SCAMP4: variants seen among roughly 807,000 people sequenced by gnomAD.
SCAMP4 encodes secretory carrier membrane protein 4.
Under a neutral mutation model 32.1 loss-of-function variants are expected in SCAMP4, and 19 were observed. The observed-to-expected ratio is 0.59, with a 90% confidence interval of 0.41 to 0.87. The LOEUF is 0.87. Ranked by LOEUF, SCAMP4 falls within the 40% of genes least tolerant of loss-of-function variation. The probability of loss-of-function intolerance (pLI) is 0.00; values close to 1 mark genes in which losing one functional copy is unlikely to be tolerated. For missense variants in SCAMP4, 302 were observed against 309.0 expected (o/e 0.98, Z 0.17); for synonymous variants, 152 against 132.7 (o/e 1.15, Z -1.00).
At position 1,920,518 on chromosome 19, in the gene SCAMP4, A is replaced by G. The variant is rs1406641857; in HGVS notation, c.395+1528A>G. On this transcript the variant is annotated intron_variant, in intron 5 of 6. Transcript: ENST00000316097. The stretch of plus-strand genomic sequence containing the variant: ...GTGCACCCCTCGGATGTGCCGCTGA[A>G]GCTGGTCTGTCACCTGCCACCCCAA... 11 of 850,702 alleles carry G rather than the reference A, an allele frequency of 1.3e-5. No homozygotes were observed. In the South Asian group the frequency reaches 3.8e-4, roughly 29 times the overall value. 52.7% of individuals were successfully genotyped at this position (850,702 alleles called of 1,614,324 possible).
intron 1 of SCAMP4, 190 bp downstream of exon 1, chr19:1,905,629 C>CCCGT (rs963075440): frequency 6.2e-6 from 1 of 160,440 alleles, no homozygotes; most frequent in African/African-American, 2.5e-5. Context: ...GGCGCGAATG[C>CCCGT]GCGTGCGCGC....
intron 3 of SCAMP4, 111 bp downstream of exon 3, chr19:1,917,933 G>T (rs914318167): frequency 6.9e-7 from 1 of 1,447,916 alleles, no homozygotes. Flanking sequence ...TACTGAAGCC[G>T]TCCTGGGCCT....
chr19:1,920,819 C>T, intron 5 of SCAMP4: 4 of 985,500 alleles, frequency 4.1e-6, no homozygotes, highest in Non-Finnish European at 4.8e-6. Flanking sequence ...AGGCCTGTGC[C>T]CGTGTTGGGT....
Position 1,913,368 on chromosome 19 carries a change from C to T in SCAMP4, c.-41-1611C>T, listed in dbSNP as rs144366888. ...CGTGCCAGCGGTGCCCTTCTGCGGCCGCCCTTGCTGCGTTTGTGTCCCCTC... is the reference window on the plus strand; with the variant it reads ...CGTGCCAGCGGTGCCCTTCTGCGGCTGCCCTTGCTGCGTTTGTGTCCCCTC... On this transcript the variant is annotated intron_variant, in intron 1 of 6. Coordinates refer to ENST00000316097, the MANE Select transcript of SCAMP4 (RefSeq NM_079834.4). 514 of 689,198 alleles carry T rather than the reference C, an allele frequency of 7.5e-4. 2 individuals are homozygous for T. In the African/African-American group the frequency reaches 8.3e-3, roughly 11 times the overall value. The allele number at this position is 689,198 out of a possible 1,614,324, so 42.7% of individuals were successfully genotyped here.
intron 1 of SCAMP4, chr19:1,914,520 C>A (rs1323673751): frequency 1.0e-5 from 2 of 193,564 alleles, no homozygotes; most frequent in Non-Finnish European, 2.2e-5. Context: ...TAGATCCACT[C>A]AGTCGTGGGT....
intron 1 of SCAMP4, chr19:1,913,074 C>T (rs1287286196): frequency 6.2e-7 from 1 of 1,601,772 alleles, no homozygotes; most frequent in Non-Finnish European, 8.5e-7. Flanking sequence ...CCACGCACGG[C>T]CCGACCTCAA....
chr19:1,913,467 T>A (rs960823668), intron 1 of SCAMP4: 1 of 446,550 alleles, frequency 2.2e-6, no homozygotes, highest in Non-Finnish European at 4.1e-6. Flanking sequence ...TGTTAGGAGG[T>A]GTGTGCCTTT....
chr19:1,913,152 G>GCGC, intron 1 of SCAMP4: 1 of 1,538,896 alleles, frequency 6.5e-7, no homozygotes, highest in Non-Finnish European at 8.7e-7. Context: ...CGACACGTAG[G>GCGC]CGCCGCCCTC....
At chr19:1,917,469 A>G (rs930535466) in intron 2 of SCAMP4, among the ~76,000 whole-genome samples, 1 of 151,974 alleles carries the variant, frequency 6.6e-6, no homozygotes, top group Non-Finnish European at 1.5e-5. Context: ...CCCCCTTCAC[A>G]GCCTCAGCGC....
rs1171129563 is a variant in SCAMP4, at chr19:1,908,146, G to C, written c.-42+2707G>C. 3.9e-6 allele frequency: 1 copy of C among 254,554 alleles called. No homozygotes were observed. Among genetic ancestry groups the C allele is most frequent in the Non-Finnish European group, 7.8e-6 (1 of 127,846 alleles). 15.8% of individuals were successfully genotyped at this position (254,554 alleles called of 1,614,324 possible). ...GTGCGGGCCTCTCGGTCCTGGTCGC[G>C]CGTGGTGTGCGTTTTGGGAGGGCCC... On this transcript the variant is annotated intron_variant, in intron 1 of 6. Coordinates refer to ENST00000316097, the MANE Select transcript of SCAMP4 (RefSeq NM_079834.4). The surrounding 1 kb of genome is among the most constrained non-coding windows in gnomAD (Gnocchi z 4.2).
At position 1,924,201 on chromosome 19, in the gene SCAMP4, G is replaced by A; in HGVS notation, c.607G>A (p.Ala203Thr). The part of the protein sequence containing the change: ...GTWRNPPSRE[A>T]QYNNFSGNSL... ...TTGGCGGAACCCACCGTCGAGGGAG[G>A]CCCAGTACAACAACTTCTCAGGCAA... is the stretch of plus-strand genomic sequence containing the variant. The change falls in exon 7 of 7, where the codon GCC (alanine) becomes ACC (threonine). Residue 203 changes from alanine (A) to threonine (T), a missense_variant. By Grantham distance (58) the Ala-to-Thr change is moderately conservative. Transcript: ENST00000316097. 1.9e-6 allele frequency: 3 copies of A among 1,609,828 alleles called. No homozygotes were observed. Among genetic ancestry groups the A allele is most frequent in the Admixed American group, 1.7e-5 (1 of 59,438 alleles).
At chr19:1,918,083 C>T (rs1476278432) in intron 3 of SCAMP4, 44 bp from the exon 4 acceptor site, 5 of 1,577,270 alleles carry the variant, frequency 3.2e-6, no homozygotes, top group Non-Finnish European at 4.3e-6. Context: ...CCCACGGCCA[C>T]ACCCTCCCGT....
chr19:1,918,771 A>G (rs1039916239), intron 4 of SCAMP4, 118 bp from the exon 5 acceptor site: 13 of 1,437,488 alleles, frequency 9.0e-6, no homozygotes, highest in African/African-American at 1.4e-5. Context: ...CAAAAAAAAA[A>G]AAAAAGGAAT....
In SCAMP4 at chr19:1,924,202, C is replaced by T. The variant is rs866240531; in HGVS notation, c.608C>T (p.Ala203Val). 1.2e-6 allele frequency: 2 copies of T among 1,609,512 alleles called. No individual in the cohort carries two copies. The highest frequency in any genetic ancestry group is 1.7e-6 in the Non-Finnish European group (2 of 1,177,980). Residue 203 changes from alanine (A) to valine (V), a missense_variant, in exon 7 of 7, where the codon GCC (alanine) becomes GTC (valine). Physicochemically the swap from Ala to Val is moderately conservative, Grantham distance 64. Transcript: ENST00000316097. ...TGGCGGAACCCACCGTCGAGGGAGGCCCAGTACAACAACTTCTCAGGCAAC... is the reference window on the plus strand; with the variant it reads ...TGGCGGAACCCACCGTCGAGGGAGGTCCAGTACAACAACTTCTCAGGCAAC... ...GTWRNPPSRE[A>V]QYNNFSGNSL...
Position 1,923,150 on chromosome 19 carries a change from C to T in SCAMP4, c.476C>T (p.Ser159Phe), listed in dbSNP as rs966252065. 1.3e-6 allele frequency: 2 copies of T among 1,551,974 alleles called. No individual in the cohort carries two copies. Among genetic ancestry groups the T allele is most frequent in the African/African-American group, 1.4e-5 (1 of 73,218 alleles). ...VVMLLPAIMFSVSAAMMAIAI... is the reference protein window; with the variant it reads ...VVMLLPAIMFFVSAAMMAIAI... Reference sequence around the variant, plus strand: ...ATGCTGCTTCCAGCCATCATGTTCTCCGTGTCGGCTGCCATGATGGCCATC... The same window carrying T: ...ATGCTGCTTCCAGCCATCATGTTCTTCGTGTCGGCTGCCATGATGGCCATC... Residue 159 changes from serine to phenylalanine, a missense_variant, in exon 6 of 7, where the codon TCC becomes TTC. Coordinates refer to ENST00000316097, the MANE Select transcript of SCAMP4 (RefSeq NM_079834.4).
At chr19:1,919,465 G>A (rs1251391265) in intron 5 of SCAMP4, 30 of 983,380 alleles carry the variant, frequency 3.1e-5, no homozygotes, top group Admixed American at 6.2e-5. Context: ...GTTTGTGTTG[G>A]TGTCTTAAAT....
chr19:1,920,726 C>G (rs1476676222), intron 5 of SCAMP4: 2 of 985,522 alleles, frequency 2.0e-6, no homozygotes, highest in African/African-American at 1.7e-5. Context: ...TCGGCTCCCA[C>G]TGGCCCTTCC....
intron 1 of SCAMP4, chr19:1,912,110 G>A (rs1411375985): frequency 4.6e-6 from 7 of 1,522,374 alleles, no homozygotes; most frequent in Non-Finnish European, 5.3e-6. Flanking sequence ...AGCCCGCCCC[G>A]GGCCTCGTGG....
rs1292206876 is a variant in SCAMP4, at chr19:1,905,429, G to A, written c.-52G>A. ...TTGGCGAAGCGCTGCGCTCGCGCCC[G>A]GATCCCTCAGGTAAGCGCGCGGCCC... On this transcript the variant is annotated 5_prime_UTR_variant, in exon 1 of 7. Coordinates refer to ENST00000316097, the MANE Select transcript of SCAMP4 (RefSeq NM_079834.4). 2 of 463,724 alleles carry A rather than the reference G, an allele frequency of 4.3e-6. No homozygotes were observed. Among genetic ancestry groups the A allele is most frequent in the African/African-American group, 2.0e-5 (1 of 49,212 alleles). 28.7% of individuals were successfully genotyped at this position (463,724 alleles called of 1,614,324 possible). A position where few individuals can be genotyped will look rare whatever the true frequency, so the allele number is the denominator to read the frequency against.
Sources: gnomAD v4.1 joint callset for allele counts (sites outside exome capture counted in the v4.1 genomes callset) on GRCh38, gnomAD v4.1.1 for gene constraint, Gnocchi (gnomAD v3.1) non-coding constraint, MANE v1.5 for transcripts, NCBI Gene and HGNC (gene_info 2026-07-23, HGNC 2026-07-21) for gene names.